The following CARD8 variants were observed in gnomAD, a reference collection of about 807,000 sequenced individuals.
CARD8 encodes the protein caspase recruitment domain family member 8.
A neutral mutation model predicts 53.2 loss-of-function variants in CARD8; 38 were observed. The observed-to-expected ratio is 0.71, with a 90% CI of 0.55 to 0.94. The LOEUF (loss-of-function observed/expected upper bound fraction) is 0.94. Ranked by LOEUF, CARD8 falls within the 40% of genes least tolerant of loss-of-function variation. The pLI is 0.00. For synonymous variants in CARD8, 245 were observed against 244.9 expected, an observed-to-expected ratio of 1.00 and a Z score of 0.00; for missense variants, 561 against 655.5, an observed-to-expected ratio of 0.86 and a Z score of 1.57.
chr19:48,242,307 A>G (rs2045305348), intron 3 of CARD8, among the ~76,000 whole-genome samples: 1 of 152,074 alleles, frequency 6.6e-6, no homozygotes, highest in Admixed American at 6.6e-5. Flanking sequence ...ATGAACAAGG[A>G]AGCAGGTCCT....
At chr19:48,254,354 G>A (rs1037095215) in intron 1 of CARD8, among the ~76,000 whole-genome samples, 5 of 152,156 alleles carry the variant, frequency 3.3e-5, no homozygotes, top group Non-Finnish European at 7.4e-5. Flanking sequence ...CAAAAATTCT[G>A]TAGAAATCCA....
At position 48,231,660 on chromosome 19, in the gene CARD8, C is replaced by T. The variant is rs2146245109; in HGVS notation, c.542G>A (p.Ser181Asn). 1.9e-6 allele frequency: 3 copies of T among 1,592,254 alleles called. No homozygotes were observed. The highest frequency in any genetic ancestry group is 1.7e-6 in the Non-Finnish European group (2 of 1,169,486). ...AATCATCAGCATCTTCCATTCTTAC[C>T]TGTATCTGTTTGTGCTCTTATCAAT... The part of the protein sequence containing the change: ...ELIDKSTNRY[S>N]VWFPTAGWYL... Residue 181 changes from serine to asparagine, a missense_variant and splice_region_variant, in exon 8 of 14, where the codon AGC (serine) becomes AAC (asparagine). Coordinates refer to ENST00000651546, the MANE Select transcript of CARD8 (RefSeq NM_001184900.3).
At chr19:48,215,144 G>A (rs149478741) in intron 13 of CARD8, 196 bp downstream of exon 13, 17,828 of 487,770 alleles carry the variant, frequency 0.037, 464 homozygotes, top group Non-Finnish European at 0.049. Flanking sequence ...ACTTGCCTCG[G>A]TCTCTCCTTC....
chr19:48,214,471 T>G lies in CARD8; in HGVS notation c.1348+869A>C, dbSNP rs558973403. On this transcript the variant is annotated intron_variant, in intron 13 of 13. Transcript: ENST00000651546. ...ATGTGCATTAAGAGCAGAGTTTAAC[T>G]GGCCTATAACCTCTTACGGAGGTTG... 3.0e-4 allele frequency among the ~76,000 whole-genome samples: 46 copies of G among 152,310 alleles called. No individual in the cohort carries two copies. The South Asian group carries it at 9.3e-3, about 31-fold the overall frequency.
intron 5 of CARD8, among the ~76,000 whole-genome samples, chr19:48,234,834 T>C (rs527484769): frequency 3.9e-5 from 6 of 152,298 alleles, no homozygotes; most frequent in Non-Finnish European, 7.4e-5. Context: ...GCCACAAACA[T>C]TGGTTTCATA....
chr19:48,205,893 T>C (rs181549905), downstream of CARD8, among the ~76,000 whole-genome samples: 3 of 152,180 alleles, frequency 2.0e-5, no homozygotes, highest in African/African-American at 4.8e-5. Flanking sequence ...GCAGTTGTTA[T>C]AGGATTTTTA....
In CARD8 at chr19:48,218,886, T is replaced by C. The variant is rs1384663432; in HGVS notation, c.1288A>G (p.Thr430Ala). The C allele has an allele frequency of 1.2e-6, 2 of 1,614,184 alleles. No individual in the cohort carries two copies. Among genetic ancestry groups the C allele is most frequent in the Non-Finnish European group, 1.7e-6 (2 of 1,180,008 alleles). Residue 430 changes from threonine to alanine, a missense_variant, in exon 12 of 14, where the codon ACT becomes GCT. Physicochemically the swap from Thr to Ala is moderately conservative, Grantham distance 58. Transcript: ENST00000651546. ...ACTCACCTACCTGGCTTCACCTCAG[T>C]ATCCCACACCAAAGTCCCATGTCTT... Reference protein sequence around the residue: ...EKRHGTLVWDTEVKPVDLQLV... With the variant: ...EKRHGTLVWDAEVKPVDLQLV...
intron 7 of CARD8, 94 bp from the exon 8 acceptor site, chr19:48,231,904 G>A: frequency 9.2e-7 from 1 of 1,091,974 alleles, no homozygotes; most frequent in Non-Finnish European, 1.4e-6. Context: ...GGTGCTGTTG[G>A]GATACAGATA....
At position 48,238,454 on chromosome 19, in the gene CARD8, A is replaced by G. The variant is rs1179657069; in HGVS notation, c.138T>C (p.Asn46=). The G allele has an allele frequency of 1.3e-6, 2 of 1,536,104 alleles. No homozygotes were observed. The highest frequency in any genetic ancestry group is 1.4e-5 in the African/African-American group (1 of 73,036). The change falls in exon 5 of 14, where the codon AAT becomes AAC. Residue 46 remains asparagine (N), a synonymous_variant. Coordinates refer to ENST00000651546, the MANE Select transcript of CARD8 (RefSeq NM_001184900.3). ...TTGTGTATTGCAGTTCCCGTATGCTATTGTCAACCAACAGTTTCCGTGATC... is the reference window on the plus strand; with the variant it reads ...TTGTGTATTGCAGTTCCCGTATGCTGTTGTCAACCAACAGTTTCCGTGATC... ...LQGSRKLLVD[N]SIRELQYTKT...
At chr19:48,218,810 C>A in intron 12 of CARD8, 61 bp downstream of exon 12, 1 of 1,533,246 alleles carries the variant, frequency 6.5e-7, no homozygotes, top group Non-Finnish European at 8.9e-7. Flanking sequence ...CTTTGAAATC[C>A]AAGGATAGAG....
intron 3 of CARD8, among the ~76,000 whole-genome samples, chr19:48,249,130 G>A (rs537756172): frequency 9.9e-5 from 15 of 151,908 alleles, no homozygotes; most frequent in Admixed American, 3.9e-4. Flanking sequence ...CCGAGAGGTG[G>A]AGGTTGCAGT....
At chr19:48,212,956 T>C (rs192575989) in intron 13 of CARD8, 54 of 152,364 alleles carry the variant, frequency 3.5e-4, no homozygotes, top group African/African-American at 1.3e-3. Context: ...TGCTCTCTTT[T>C]TTCTCCCAGT....
At chr19:48,234,564 T>A in intron 5 of CARD8, 21 bp from the exon 6 acceptor site, 5 of 1,606,616 alleles carry the variant, frequency 3.1e-6, no homozygotes, top group Non-Finnish European at 4.2e-6. Flanking sequence ...ACAACAGAAT[T>A]TTTACTATGA....
chr19:48,234,612 A>G (rs778340209), intron 5 of CARD8, 69 bp from the exon 6 acceptor site: 41 of 1,431,328 alleles, frequency 2.9e-5, no homozygotes, highest in Middle Eastern at 1.8e-4. Context: ...TAGGCTGTGC[A>G]GGAAGATTTT....
intron 3 of CARD8, among the ~76,000 whole-genome samples, chr19:48,243,572 C>T (rs893750649): frequency 6.6e-6 from 1 of 152,186 alleles, no homozygotes; most frequent in Non-Finnish European, 1.5e-5. Context: ...ACAAGCTTTT[C>T]CTTTGTTATA....
In CARD8 at chr19:48,211,901, G is replaced by C; in HGVS notation, c.1423C>G (p.Leu475Val). The C allele has an allele frequency of 6.2e-7, 1 of 1,614,040 alleles. No homozygotes were observed. Among genetic ancestry groups the C allele is most frequent in the South Asian group, 1.1e-5 (1 of 91,068 alleles). ...MGDLKGVLDD[L>V]QDNEVLTENE... ...TCAGTAAGAACCTCATTGTCTTGGAGATCATCGAGCACCCCTTTCAGGTCC... is the reference window on the plus strand; with the variant it reads ...TCAGTAAGAACCTCATTGTCTTGGACATCATCGAGCACCCCTTTCAGGTCC... Residue 475 changes from leucine (L) to valine (V), a missense_variant, in exon 14 of 14, where the codon CTC becomes GTC. By Grantham distance (32) the Leu-to-Val change is conservative. Coordinates refer to ENST00000651546, the MANE Select transcript of CARD8 (RefSeq NM_001184900.3).
downstream of CARD8, chr19:48,204,298 G>A (rs941279564): frequency 1.4e-5 from 6 of 425,316 alleles, no homozygotes; most frequent in Non-Finnish European, 2.9e-5. Context: ...TAGACTAACA[G>A]CCTGGGAACT....
intron 1 of CARD8, among the ~76,000 whole-genome samples, chr19:48,253,869 T>C (rs2047247127): frequency 6.6e-6 from 1 of 152,178 alleles, no homozygotes; most frequent in Non-Finnish European, 1.5e-5. Flanking sequence ...ATTAACAGAA[T>C]AACAGAGTAT....
intron 3 of CARD8, among the ~76,000 whole-genome samples, chr19:48,246,395 A>C (rs180749051): frequency 5.9e-5 from 9 of 152,260 alleles, no homozygotes; most frequent in Admixed American, 1.3e-4. Flanking sequence ...GTATTCAAAA[A>C]CAGTATTTAG....
Sources: gnomAD v4.1 joint callset for allele counts (sites outside exome capture counted in the v4.1 genomes callset) on GRCh38, gnomAD v4.1.1 for gene constraint, MANE v1.5 for transcripts, NCBI Gene and HGNC (gene_info 2026-07-23, HGNC 2026-07-21) for gene names.